Variants in CAPN1 observed in about 807,000 individuals in gnomAD.
CAPN1 encodes the protein calpain-1 catalytic subunit.
Under a neutral mutation model 105.2 loss-of-function variants are expected in CAPN1, and 77 were observed. That is an observed-to-expected ratio of 0.73 (90% CI 0.61 to 0.88). The LOEUF (loss-of-function observed/expected upper bound fraction) is 0.88. Among genes scored for constraint, CAPN1 ranks in the 40% least tolerant of loss-of-function variants. CAPN1 has a pLI of 0.00. For missense variants in CAPN1, 833 were observed against 976.6 expected, an observed-to-expected ratio of 0.85 and a Z score of 1.96; for synonymous variants, 355 against 388.8, an observed-to-expected ratio of 0.91 and a Z score of 1.02.
chr11:65,192,070 C>T (rs1948726588), intron 10 of CAPN1, among the ~76,000 whole-genome samples: 1 of 151,976 alleles, frequency 6.6e-6, no homozygotes, highest in African/African-American at 2.4e-5. Flanking sequence ...CTCATCTCTA[C>T]AAAAAATTTA....
intron 1 of CAPN1, chr11:65,182,285 A>C: frequency 1.1e-5 from 1 of 89,910 alleles, no homozygotes; most frequent in Non-Finnish European, 2.4e-5. Flanking sequence ...GCCCACGGCA[A>C]GGGGCCGGTG....
In CAPN1 at chr11:65,209,311, T is replaced by C. The variant is rs1421111886; in HGVS notation, c.1730-12T>C. On this transcript the variant is annotated splice_polypyrimidine_tract_variant and intron_variant, in intron 16 of 21. Transcript: ENST00000279247. This position sits in a 1 kb window ranked among gnomAD's most constrained non-coding sequence, Gnocchi z 4.1. ...CACTAGGTGGAGATGTTGGAATTGG[T>C]TTTTCTTGCAGACAAAGACCTGCGG... 1 of 1,612,232 alleles carries C rather than the reference T, an allele frequency of 6.2e-7. No homozygotes were observed. The highest frequency in any genetic ancestry group is 8.5e-7 in the Non-Finnish European group (1 of 1,178,994).
chr11:65,202,547 A>T (rs1328581406), intron 10 of CAPN1, among the ~76,000 whole-genome samples: 2 of 151,896 alleles, frequency 1.3e-5, no homozygotes, highest in East Asian at 3.9e-4. Flanking sequence ...GGTTCACGCA[A>T]TTCTCCTACC....
intron 10 of CAPN1, among the ~76,000 whole-genome samples, chr11:65,191,281 T>G (rs1354574325): frequency 6.6e-6 from 1 of 152,210 alleles, no homozygotes; most frequent in Non-Finnish European, 1.5e-5. Context: ...TATAATTTTG[T>G]TTCTATTATA....
intron 10 of CAPN1, among the ~76,000 whole-genome samples, chr11:65,190,946 C>T (rs948506351): frequency 1.3e-5 from 2 of 152,128 alleles, no homozygotes; most frequent in South Asian, 2.1e-4. Context: ...CTCAAGTGAT[C>T]CACCTGGCTT....
At position 65,208,248 on chromosome 11, in the gene CAPN1, G is replaced by C. The variant is rs776366180; in HGVS notation, c.1715G>C (p.Arg572Thr). 1 of 1,568,416 alleles carries C rather than the reference G, an allele frequency of 6.4e-7. No individual in the cohort carries two copies. The highest frequency in any genetic ancestry group is 2.4e-5 in the East Asian group (1 of 42,180). ...AAGGAGTTGCGGACAATCCTCAATA[G>C]GATCATCAGCAAACGTGAGTCCCCG... ...SVKELRTILNRIISKHKDLRT... is the reference protein window; with the variant it reads ...SVKELRTILNTIISKHKDLRT... The change falls in exon 16 of 22, where the codon AGG becomes ACG. Residue 572 changes from arginine to threonine, a missense_variant. By Grantham distance (71) the Arg-to-Thr change is moderately conservative (BLOSUM62 -1). Transcript: ENST00000279247. The surrounding 1 kb of genome is among the most constrained non-coding windows in gnomAD (Gnocchi z 4.1).
chr11:65,198,724 G>T (rs530993385), intron 10 of CAPN1, among the ~76,000 whole-genome samples: 20 of 152,088 alleles, frequency 1.3e-4, no homozygotes, highest in Admixed American at 7.9e-4. Flanking sequence ...CCTTTGTTTT[G>T]TTTTCTTTTT....
At chr11:65,211,021 G>C in intron 21 of CAPN1, 149 bp downstream of exon 21, 1 of 795,476 alleles carries the variant, frequency 1.3e-6, no homozygotes, top group South Asian at 1.6e-5. Flanking sequence ...TGAAAGGCTG[G>C]GGTGGGGGTG....
At chr11:65,181,733 C>T (rs1049345079), upstream of CAPN1, 3 of 252,832 alleles carry the variant, frequency 1.2e-5, no homozygotes, top group Non-Finnish European at 2.4e-5. The surrounding 1 kb of genome is among the most constrained non-coding windows in gnomAD (Gnocchi z 4.6). Context: ...CTAATTTGTC[C>T]TCTCGCGGAA....
At position 65,209,898 on chromosome 11, in the gene CAPN1, A is replaced by G. The variant is rs777672981; in HGVS notation, c.1844A>G (p.Asn615Ser). ...LGLVEFNILW[N>S]RIRNYLSIFR... ...CTGGTGGAGTTCAACATCCTGTGGA[A>G]CCGCATCCGGAATTACCTGGTAGGT... is the stretch of plus-strand genomic sequence containing the variant. The change falls in exon 18 of 22, where the codon AAC (asparagine) becomes AGC (serine). Residue 615 changes from asparagine (N) to serine (S), a missense_variant. Transcript: ENST00000279247. The surrounding 1 kb of genome is among the most constrained non-coding windows in gnomAD (Gnocchi z 4.1). The G allele has an allele frequency of 1.2e-6, 2 of 1,613,630 alleles. No individual in the cohort carries two copies. The highest frequency in any genetic ancestry group is 1.7e-5 in the Admixed American group (1 of 59,992).
chr11:65,188,455 A>C lies in CAPN1; in HGVS notation c.971A>C (p.Gln324Pro). 6.2e-7 allele frequency: 1 copy of C among 1,613,264 alleles called. No individual in the cohort carries two copies. Among genetic ancestry groups the C allele is most frequent in the African/African-American group, 1.3e-5 (1 of 75,030 alleles). The change falls in exon 9 of 22, where the codon CAG (glutamine) becomes CCG (proline). Residue 324 changes from glutamine to proline, a missense_variant. Gln to Pro is a moderately conservative substitution (Grantham distance 76). Coordinates refer to ENST00000279247, the MANE Select transcript of CAPN1 (RefSeq NM_005186.4). This position sits in a 1 kb window ranked among gnomAD's most constrained non-coding sequence, Gnocchi z 5.5. ...WNNVDPYERD[Q>P]LRVKMEDGEF... ...AACGTGGACCCATATGAACGGGACCAGCTCCGGGTCAAGATGGAGGACGGG... is the reference window on the plus strand; with the variant it reads ...AACGTGGACCCATATGAACGGGACCCGCTCCGGGTCAAGATGGAGGACGGG...
At chr11:65,190,866 C>T (rs978378668) in intron 10 of CAPN1, among the ~76,000 whole-genome samples, 6 of 152,134 alleles carry the variant, frequency 3.9e-5, no homozygotes, top group African/African-American at 1.2e-4. Context: ...GTGCCCGCCA[C>T]CACATCCAGC....
At chr11:65,204,462 C>T (rs752307595) in intron 10 of CAPN1, among the ~76,000 whole-genome samples, 1 of 152,204 alleles carries the variant, frequency 6.6e-6, no homozygotes, top group Non-Finnish European at 1.5e-5. Context: ...GCTCGCTAAC[C>T]TAACGGACTT....
rs377617167 is a variant in CAPN1, at chr11:65,188,385, C to T, written c.930-29C>T. Reference sequence around the variant, plus strand: ...AGAGGCCAGGCAGGTCAGTGCCCACCAGCCCTGGCAGAGCCCTGCTCCTCA... The same window carrying T: ...AGAGGCCAGGCAGGTCAGTGCCCACTAGCCCTGGCAGAGCCCTGCTCCTCA... On this transcript the variant is annotated intron_variant, in intron 8 of 21. Transcript: ENST00000279247. This position sits in a 1 kb window ranked among gnomAD's most constrained non-coding sequence, Gnocchi z 5.5. The T allele has an allele frequency of 5.2e-5, 82 of 1,589,628 alleles. No individual in the cohort carries two copies. Among genetic ancestry groups the T allele is most frequent in the Non-Finnish European group, 6.8e-5 (79 of 1,166,070 alleles).
At chr11:65,185,867 C>T in intron 4 of CAPN1, 50 bp from the exon 5 acceptor site, 2 of 1,541,864 alleles carry the variant, frequency 1.3e-6, no homozygotes, top group Non-Finnish European at 1.8e-6. Flanking sequence ...GGATGGAGCT[C>T]AGGTCCGGGG....
intron 10 of CAPN1, among the ~76,000 whole-genome samples, chr11:65,200,889 TCCTGATTTA>T (rs1249516078): frequency 7.1e-6 from 1 of 141,130 alleles, no homozygotes; most frequent in Non-Finnish European, 1.5e-5. Flanking sequence ...CACCTCAGCC[TCCTGATTTA>T]CCTGGGACTA....
rs371171538 is a variant in CAPN1, at chr11:65,209,838, C to T, written c.1795-11C>T. On this transcript the variant is annotated splice_polypyrimidine_tract_variant and intron_variant, in intron 17 of 21. Transcript: ENST00000279247. This position sits in a 1 kb window ranked among gnomAD's most constrained non-coding sequence, Gnocchi z 4.1. ...CTAAGTGATGGAATTTCCTTCTTAA[C>T]GGCCACCCAGCGTGATGGCAATGGG... 77 of 1,612,934 alleles carry T rather than the reference C, an allele frequency of 4.8e-5. 1 individual carries two copies. The highest frequency in any genetic ancestry group is 1.9e-4 in the African/African-American group (14 of 74,904).
In CAPN1 at chr11:65,187,135, C is replaced by T. The variant is rs892105726; in HGVS notation, c.760-80C>T. ...TGTTGTATGTGCAAGTGGGAACGTCCAAGACCCTGAGTGCTGGGGGCTCAT... is the reference window on the plus strand; with the variant it reads ...TGTTGTATGTGCAAGTGGGAACGTCTAAGACCCTGAGTGCTGGGGGCTCAT... On this transcript the variant is annotated intron_variant, in intron 6 of 21. Transcript: ENST00000279247. 33 of 1,056,660 alleles carry T rather than the reference C, an allele frequency of 3.1e-5. No homozygotes were observed. In the Middle Eastern group the frequency reaches 6.0e-4, roughly 19 times the overall value. 65.5% of individuals were successfully genotyped at this position (1,056,660 alleles called of 1,614,324 possible).
At chr11:65,197,436 T>A (rs1948806562) in intron 10 of CAPN1, among the ~76,000 whole-genome samples, 1 of 152,200 alleles carries the variant, frequency 6.6e-6, no homozygotes, top group Non-Finnish European at 1.5e-5. Flanking sequence ...CTTTCAAGTC[T>A]ATTTCAGCCA....
Sources: allele counts gnomAD v4.1 joint callset (sites outside exome capture counted in the v4.1 genomes callset), GRCh38; gene constraint gnomAD v4.1.1; non-coding constraint Gnocchi (gnomAD v3.1); transcripts MANE v1.5; gene names NCBI Gene and HGNC (gene_info 2026-07-23, HGNC 2026-07-21).